The following STK36 variants were observed in gnomAD, a reference collection of about 807,000 sequenced individuals.
STK36 encodes the protein serine/threonine kinase 36, also known as serine/threonine-protein kinase 36.
STK36 carries 116 observed loss-of-function variants against 142.2 expected under a neutral mutation model. The observed-to-expected ratio is 0.82, with a 90% CI of 0.70 to 0.95. The LOEUF is 0.95. Ranked by LOEUF, STK36 falls within the 40% of genes least tolerant of loss-of-function variation. STK36 has a pLI of 0.00. For synonymous variants in STK36, 619 were observed against 641.7 expected (o/e 0.96, Z 0.53); for missense variants, 1,422 against 1,617.2 (o/e 0.88, Z 2.07).
intron 14 of STK36, among the ~76,000 whole-genome samples, chr2:218,691,267 G>T (rs1940986657): frequency 6.6e-6 from 1 of 152,186 alleles, no homozygotes; most frequent in Non-Finnish European, 1.5e-5. Flanking sequence ...CCTGGTCATT[G>T]TTAAAACTGG....
chr2:218,697,726 T>G, intron 24 of STK36, 116 bp downstream of exon 24: 1 of 1,589,276 alleles, frequency 6.3e-7, no homozygotes, highest in Non-Finnish European at 8.6e-7. Flanking sequence ...AGATCAGGTT[T>G]AGGCTGGAAA....
At chr2:218,679,420 A>T (rs942480395) in intron 7 of STK36, 140 bp from the exon 8 acceptor site, 6 of 1,300,018 alleles carry the variant, frequency 4.6e-6, no homozygotes, top group Non-Finnish European at 6.4e-6. Context: ...CACTTCCCTT[A>T]CAACCCACTC....
chr2:218,676,560 A>G (rs1048880836), intron 6 of STK36, among the ~76,000 whole-genome samples: 2 of 152,030 alleles, frequency 1.3e-5, no homozygotes, highest in African/African-American at 4.8e-5. Flanking sequence ...CAAAGGGGAA[A>G]CAGGCATGTC....
chr2:218,682,745 C>T (rs1416969156), intron 10 of STK36, among the ~76,000 whole-genome samples: 1 of 152,134 alleles, frequency 6.6e-6, no homozygotes, highest in Non-Finnish European at 1.5e-5. Flanking sequence ...AGGCACCTGC[C>T]ACCATGCCTG....
In STK36 at chr2:218,698,067, TC is replaced by T. The variant is rs146626894; in HGVS notation, c.3057+69del. 6.1e-5 allele frequency: 97 copies of T among 1,597,490 alleles called. No individual in the cohort carries two copies. In the East Asian group the frequency reaches 2.1e-3, roughly 34 times the overall value. On this transcript the variant is annotated intron_variant, in intron 25 of 26. Coordinates refer to ENST00000295709, the MANE Select transcript of STK36 (RefSeq NM_015690.5). ...CCAACCTTGTATCCTCTAATTTACT[TC>T]CCAGCAGCTCCAGGGCTCTTCTAGG...
intron 10 of STK36, among the ~76,000 whole-genome samples, chr2:218,683,357 C>T (rs57185035): frequency 0.061 from 9,264 of 151,684 alleles, 928 homozygotes; most frequent in African/African-American, 0.21. Context: ...TCACTGCAAC[C>T]GCCGCCTCCC....
chr2:218,697,606 C>T lies in STK36; in HGVS notation c.2905C>T (p.Gln969Ter). The change falls in exon 24 of 27, where the codon CAG becomes TAG. Residue 969 changes from glutamine to a stop codon, truncating the protein, a stop_gained. Transcript: ENST00000295709. LOFTEE classifies it high-confidence loss of function. ...LCPSFLNQLR[Q>*]APHGSEFLPV... is the part of the protein sequence containing the mutation. Reference sequence around the variant, plus strand: ...CCCCAGCTTCCTGAATCAACTGCGCCAGGCGTGAGTTTGAGCTAGAAGAGA... The same window carrying T: ...CCCCAGCTTCCTGAATCAACTGCGCTAGGCGTGAGTTTGAGCTAGAAGAGA... 3 of 1,614,140 alleles carry T rather than the reference C, an allele frequency of 1.9e-6. No homozygotes were observed. Among genetic ancestry groups the T allele is most frequent in the Non-Finnish European group, 2.5e-6 (3 of 1,180,028 alleles).
At chr2:218,690,615 C>A in intron 14 of STK36, 60 bp downstream of exon 14, 2 of 1,353,882 alleles carry the variant, frequency 1.5e-6, no homozygotes, top group South Asian at 2.3e-5. Context: ...TTTCTCCCAT[C>A]CCCTTTCTTA....
intron 24 of STK36, 33 bp from the exon 25 acceptor site, chr2:218,697,821 A>C: frequency 6.2e-7 from 1 of 1,614,034 alleles, no homozygotes; most frequent in Admixed American, 1.7e-5. Flanking sequence ...TTAAGTGAAC[A>C]AGACCAAGTC....
rs960817538 is a variant in STK36, at chr2:218,694,140, T to C, written c.2337-124T>C. On this transcript the variant is annotated intron_variant, in intron 19 of 26. Transcript: ENST00000295709. The surrounding 1 kb of genome is among the most constrained non-coding windows in gnomAD (Gnocchi z 4.4). ...TACAAAGAACAGACCTAGACTCCCA[T>C]CAACTTTGTGCCTTGGAGGTAGACA... The C allele has an allele frequency of 1.7e-6, 2 of 1,174,942 alleles. No individual in the cohort carries two copies. Among genetic ancestry groups the C allele is most frequent in the Non-Finnish European group, 2.5e-6 (2 of 789,156 alleles). 72.8% of individuals were successfully genotyped at this position (1,174,942 alleles called of 1,614,324 possible). A position where few individuals can be genotyped will look rare whatever the true frequency, so the allele number is the denominator to read the frequency against.
At chr2:218,686,812 T>C (rs1257673723) in intron 11 of STK36, among the ~76,000 whole-genome samples, 4 of 152,228 alleles carry the variant, frequency 2.6e-5, no homozygotes, top group African/African-American at 4.8e-5. Flanking sequence ...ATATGGTAAA[T>C]TTATATTTAA....
chr2:218,680,079 C>T lies in STK36; in HGVS notation c.1135C>T (p.Arg379Trp), dbSNP rs773878566. 8.1e-6 allele frequency: 13 copies of T among 1,613,672 alleles called. No homozygotes were observed. Among genetic ancestry groups the T allele is most frequent in the Non-Finnish European group, 8.5e-6 (10 of 1,179,834 alleles). ...GACTGGAGAGGTGCCCTCTGCACCT[C>T]GGTGAGAAGGGTATAGTTAGGGATT... Reference protein sequence around the residue: ...SGTGEVPSAPRENRTTPDCER... With the variant: ...SGTGEVPSAPWENRTTPDCER... Residue 379 changes from arginine (R) to tryptophan (W), a missense_variant and splice_region_variant, in exon 9 of 27, where the codon CGG (arginine) becomes TGG (tryptophan). Transcript: ENST00000295709.
intron 14 of STK36, among the ~76,000 whole-genome samples, 187 bp downstream of exon 14, chr2:218,690,742 T>G (rs1185174042): frequency 6.6e-6 from 1 of 152,146 alleles, no homozygotes; most frequent in Non-Finnish European, 1.5e-5. Context: ...GATAATTTAA[T>G]AGGGGAGAGG....
rs1398554319 is a variant in STK36, at chr2:218,675,326, AC to A, written c.304-15del. 1.3e-6 allele frequency: 2 copies of A among 1,589,922 alleles called. No homozygotes were observed. Among genetic ancestry groups the A allele is most frequent in the Non-Finnish European group, 1.7e-6 (2 of 1,168,098 alleles). ...TTCTAACCTTTTTTTTCTTTCTTCC[AC>A]CTCTTTAATTTCTAGGTTCAGGCCA... is the stretch of plus-strand genomic sequence containing the variant. On this transcript the variant is annotated splice_polypyrimidine_tract_variant and intron_variant, in intron 4 of 26. Coordinates refer to ENST00000295709, the MANE Select transcript of STK36 (RefSeq NM_015690.5).
At chr2:218,691,947 A>G (rs1941016963) in intron 14 of STK36, among the ~76,000 whole-genome samples, 196 bp from the exon 15 acceptor site, 2 of 152,242 alleles carry the variant, frequency 1.3e-5, no homozygotes, top group Non-Finnish European at 2.9e-5. Context: ...AGAAGGATTG[A>G]CACCTAAAAT....
intron 6 of STK36, 151 bp downstream of exon 6, chr2:218,676,429 C>T (rs537862613): frequency 3.9e-6 from 4 of 1,038,348 alleles, no homozygotes; most frequent in Admixed American, 5.4e-5. Context: ...CATTGCTATA[C>T]AGAACCACCT....
intron 26 of STK36, among the ~76,000 whole-genome samples, chr2:218,699,757 T>A (rs1941376194): frequency 6.6e-6 from 1 of 152,194 alleles, no homozygotes; most frequent in Non-Finnish European, 1.5e-5. Flanking sequence ...TTTAAACTAT[T>A]ATTATCCTAA....
chr2:218,701,439 G>A (rs1323793780), intron 26 of STK36, among the ~76,000 whole-genome samples: 3 of 151,956 alleles, frequency 2.0e-5, no homozygotes, highest in Admixed American at 1.3e-4. Flanking sequence ...TTGCCTGGCC[G>A]ATGGTGAAGA....
intron 2 of STK36, 65 bp downstream of exon 2, chr2:218,672,978 A>T (rs1940056385): frequency 1.4e-6 from 2 of 1,414,882 alleles, no homozygotes; most frequent in East Asian, 2.3e-5. Flanking sequence ...TGGAAAATGG[A>T]TCTAGAAGGA....
Sources: allele counts gnomAD v4.1 joint callset (sites outside exome capture counted in the v4.1 genomes callset), GRCh38; gene constraint gnomAD v4.1.1; non-coding constraint Gnocchi (gnomAD v3.1); transcripts MANE v1.5; gene names NCBI Gene and HGNC (gene_info 2026-07-23, HGNC 2026-07-21).